The following IL1RN variants were observed in gnomAD, a reference collection of about 807,000 sequenced individuals.
The protein encoded by IL1RN is interleukin 1 receptor antagonist, also known as interleukin-1 receptor antagonist protein.
IL1RN carries 10 observed loss-of-function variants against 13.7 expected under a neutral mutation model. The observed-to-expected ratio is 0.73, with a 90% CI of 0.45 to 1.24. The LOEUF (loss-of-function observed/expected upper bound fraction) is 1.24. Among genes scored for constraint, IL1RN ranks in the 50% most tolerant of loss-of-function variants. The pLI, the probability that IL1RN is intolerant of heterozygous loss-of-function variation, is 0.00. For missense variants in IL1RN, 213 were observed against 222.1 expected (o/e 0.96, Z 0.26); for synonymous variants, 102 against 82.7 (o/e 1.23, Z -1.27).
At chr2:113,123,708 A>G (rs561823275), upstream of IL1RN, among the ~76,000 whole-genome samples, 1 of 152,344 alleles carries the variant, frequency 6.6e-6, no homozygotes, top group South Asian at 2.1e-4. Context: ...CCTGTGTATC[A>G]GGGAGAAATA....
chr2:113,129,665 G>A lies in IL1RN; in HGVS notation c.205+1G>A, dbSNP rs1337744305. On this transcript the variant is annotated splice_donor_variant, in intron 2 of 3. Coordinates refer to ENST00000409930, the MANE Select transcript of IL1RN (RefSeq NM_173842.3). LOFTEE classifies it high-confidence loss of function. ...CAAGGACCAAATGTCAATTTAGAAG[G>A]TGAGTGGTTGCCAGGAAAGCCAATG... is the stretch of plus-strand genomic sequence containing the variant. The A allele has an allele frequency of 6.2e-7, 1 of 1,603,712 alleles. No homozygotes were observed. Among genetic ancestry groups the A allele is most frequent in the African/African-American group, 1.3e-5 (1 of 74,814 alleles).
Position 113,132,789 on chromosome 2 carries a change from A to G in IL1RN, c.452A>G (p.Glu151Gly). ...CPGWFLCTAM[E>G]ADQPVSLTNM... is the part of the protein sequence containing the mutation. ...GGTTGGTTCCTCTGCACAGCGATGG[A>G]AGCTGACCAGCCCGTCAGCCTCACC... Residue 151 changes from glutamate to glycine, a missense_variant, in exon 4 of 4, where the codon GAA becomes GGA. Coordinates refer to ENST00000409930, the MANE Select transcript of IL1RN (RefSeq NM_173842.3). 6.2e-7 allele frequency: 1 copy of G among 1,614,250 alleles called. No individual in the cohort carries two copies. The highest frequency in any genetic ancestry group is 1.3e-5 in the African/African-American group (1 of 75,074).
At chr2:113,105,536 C>T (rs1018141629), upstream of IL1RN, among the ~76,000 whole-genome samples, 9 of 152,310 alleles carry the variant, frequency 5.9e-5, no homozygotes, top group Admixed American at 5.9e-4. Flanking sequence ...TGAGGCACAA[C>T]CTTCTGCTCA....
intron 1 of IL1RN, among the ~76,000 whole-genome samples, chr2:113,118,410 G>A (rs1406028726): frequency 6.6e-6 from 1 of 152,212 alleles, no homozygotes; most frequent in African/African-American, 2.4e-5. Flanking sequence ...AATACTAATA[G>A]AATGTGGCAC....
upstream of IL1RN, chr2:113,107,308 T>G (rs1039186377): frequency 6.6e-6 from 1 of 152,196 alleles, no homozygotes; most frequent in South Asian, 2.1e-4. Flanking sequence ...CTAAAGATAT[T>G]ATTTCACAAG....
upstream of IL1RN, among the ~76,000 whole-genome samples, chr2:113,125,482 T>C (rs1207810474): frequency 6.6e-6 from 1 of 152,254 alleles, no homozygotes; most frequent in African/African-American, 2.4e-5. Flanking sequence ...CCATTTTGCC[T>C]GAAAAAATCC....
chr2:113,109,022 C>A (rs546923848), upstream of IL1RN, among the ~76,000 whole-genome samples: 100 of 151,740 alleles, frequency 6.6e-4, no homozygotes, highest in Middle Eastern at 3.4e-3. Flanking sequence ...ACTTCTAAAT[C>A]AATATGGGAA....
At chr2:113,102,448 G>A (rs565253113), upstream of IL1RN, among the ~76,000 whole-genome samples, 3 of 152,312 alleles carry the variant, frequency 2.0e-5, no homozygotes, top group South Asian at 4.1e-4. Flanking sequence ...AGTTCACACA[G>A]AGCTATTGCA....
At chr2:113,100,071 C>T in the IL1RN span, among the ~76,000 whole-genome samples, 1 of 144,148 alleles carries the variant, frequency 6.9e-6, no homozygotes, top group Non-Finnish European at 1.5e-5. Context: ...GCCTGTAATC[C>T]CAGCACTTTG....
At chr2:113,114,376 TC>T (rs2104427698), upstream of IL1RN, among the ~76,000 whole-genome samples, 1 of 146,262 alleles carries the variant, frequency 6.8e-6, no homozygotes, top group South Asian at 2.2e-4. Context: ...AGTTTCTTAT[TC>T]CTGGTACTGG....
upstream of IL1RN, among the ~76,000 whole-genome samples, chr2:113,125,015 A>C (rs796280701): frequency 1.2e-4 from 19 of 152,246 alleles, 1 homozygote; most frequent in African/African-American, 4.6e-4. Context: ...TTTTTACTTG[A>C]AACGCTGTCT....
upstream of IL1RN, among the ~76,000 whole-genome samples, chr2:113,123,069 G>A (rs549689801): frequency 8.5e-5 from 13 of 152,308 alleles, no homozygotes; most frequent in South Asian, 2.1e-4. Context: ...AGGTTGCGGT[G>A]AGCCTAGATT....
At chr2:113,131,364 G>T (rs936239253) in intron 3 of IL1RN, among the ~76,000 whole-genome samples, 1 of 152,094 alleles carries the variant, frequency 6.6e-6, no homozygotes, top group Non-Finnish European at 1.5e-5. Context: ...CATCCTCCAG[G>T]CTCTCTTTCC....
upstream of IL1RN, among the ~76,000 whole-genome samples, chr2:113,116,855 C>T (rs568378658): frequency 6.7e-4 from 102 of 152,278 alleles, no homozygotes; most frequent in African/African-American, 2.3e-3. Flanking sequence ...TTCATGCTTC[C>T]GGTGAGCCCT....
upstream of IL1RN, among the ~76,000 whole-genome samples, chr2:113,114,478 G>A (rs1423974811): frequency 6.6e-6 from 1 of 152,214 alleles, no homozygotes; most frequent in African/African-American, 2.4e-5. Flanking sequence ...GGGTCTGTGA[G>A]TTGTGGTGGT....
the IL1RN span, among the ~76,000 whole-genome samples, chr2:113,101,296 A>T: frequency 1.3e-5 from 2 of 152,074 alleles, no homozygotes; most frequent in Non-Finnish European, 2.9e-5. Flanking sequence ...GTTTCCTTCC[A>T]CCTGTGGGAA....
At chr2:113,099,652 G>A in the IL1RN span, among the ~76,000 whole-genome samples, 1 of 148,806 alleles carries the variant, frequency 6.7e-6, no homozygotes, top group Admixed American at 6.7e-5. Flanking sequence ...ACACTGCTCT[G>A]TTCATCTGAG....
chr2:113,110,849 TG>T (rs1686483280), upstream of IL1RN, among the ~76,000 whole-genome samples: 2 of 152,260 alleles, frequency 1.3e-5, no homozygotes, highest in Admixed American at 6.5e-5. Context: ...AGGCTGCCTC[TG>T]GTTTCCATTG....
In IL1RN at chr2:113,131,098, G is replaced by A. The variant is rs748958762; in HGVS notation, c.259G>A (p.Gly87Arg). The part of the protein sequence containing the change: ...EPHALFLGIH[G>R]GKMCLSCVKS... The stretch of plus-strand genomic sequence containing the variant: ...TCATGCTCTGTTCTTGGGAATCCAT[G>A]GAGGGAAGATGTGCCTGTCCTGTGT... The change falls in exon 3 of 4, where the codon GGA becomes AGA. Residue 87 changes from glycine to arginine, a missense_variant. Physicochemically the swap from Gly to Arg is moderately radical, Grantham distance 125. Coordinates refer to ENST00000409930, the MANE Select transcript of IL1RN (RefSeq NM_173842.3). The A allele has an allele frequency of 2.4e-5, 39 of 1,613,810 alleles. No individual in the cohort carries two copies. The highest frequency in any genetic ancestry group is 3.1e-5 in the Non-Finnish European group (37 of 1,179,788).
Sources: allele counts gnomAD v4.1 joint callset (sites outside exome capture counted in the v4.1 genomes callset), GRCh38; gene constraint gnomAD v4.1.1; transcripts MANE v1.5; gene names NCBI Gene and HGNC (gene_info 2026-07-23, HGNC 2026-07-21).